The following FAM135A variants were observed in gnomAD, a reference collection of about 807,000 sequenced individuals.
FAM135A encodes the protein family with sequence similarity 135 member A, also known as protein FAM135A.
A neutral mutation model predicts 146.8 loss-of-function variants in FAM135A; 79 were observed. The observed-to-expected ratio is 0.54, with a 90% CI of 0.45 to 0.65. The LOEUF (loss-of-function observed/expected upper bound fraction) is 0.65. FAM135A is among the 30% of genes least tolerant of loss of function. FAM135A has a pLI of 0.00. For synonymous variants in FAM135A, 562 were observed against 603.6 expected (o/e 0.93, Z 1.01); for missense variants, 1,623 against 1,758.2 (o/e 0.92, Z 1.38).
intron 5 of FAM135A, among the ~76,000 whole-genome samples, chr6:70,474,168 A>G (rs1331890493): frequency 6.6e-6 from 1 of 152,140 alleles, no homozygotes; most frequent in Non-Finnish European, 1.5e-5. Flanking sequence ...CCTGCCTTTG[A>G]CTGACATCCA....
intron 2 of FAM135A, among the ~76,000 whole-genome samples, chr6:70,425,222 A>G (rs1390714448): frequency 6.6e-6 from 1 of 152,000 alleles, no homozygotes; most frequent in Non-Finnish European, 1.5e-5. Flanking sequence ...TTCCTAGCCT[A>G]TAGTAGGTGT....
At chr6:70,508,348 A>G (rs1263505227) in intron 12 of FAM135A, among the ~76,000 whole-genome samples, 2 of 152,192 alleles carry the variant, frequency 1.3e-5, no homozygotes, top group South Asian at 4.1e-4. Flanking sequence ...GTCTCTCAAC[A>G]GTATGTCTTA....
chr6:70,425,937 A>G (rs1409486945), intron 2 of FAM135A, among the ~76,000 whole-genome samples: 1 of 151,870 alleles, frequency 6.6e-6, no homozygotes, highest in Non-Finnish European at 1.5e-5. Context: ...CCCTGTTTCT[A>G]CTAAAAATAC....
At chr6:70,535,535 C>CTGTGTGTTCCT (rs1259916549) in intron 18 of FAM135A, among the ~76,000 whole-genome samples, 2 of 152,086 alleles carry the variant, frequency 1.3e-5, no homozygotes, top group Non-Finnish European at 2.9e-5. Context: ...GGGATCTAGG[C>CTGTGTGTTCCT]TGTGTGTTCC....
intron 4 of FAM135A, among the ~76,000 whole-genome samples, chr6:70,432,090 A>G (rs1157866811): frequency 6.6e-6 from 1 of 152,180 alleles, no homozygotes; most frequent in Non-Finnish European, 1.5e-5. Flanking sequence ...GTTGTGTATT[A>G]ACAATCAATG....
intron 10 of FAM135A, among the ~76,000 whole-genome samples, chr6:70,486,785 G>A (rs776137035): frequency 6.6e-6 from 1 of 151,990 alleles, no homozygotes. Flanking sequence ...AAAATTAGCC[G>A]GATGTGGTGG....
At chr6:70,421,516 A>C (rs1378152921) in intron 2 of FAM135A, among the ~76,000 whole-genome samples, 1 of 152,196 alleles carries the variant, frequency 6.6e-6, no homozygotes, top group East Asian at 1.9e-4. Flanking sequence ...GGTAGTTGTC[A>C]GATTGTTTAC....
intron 4 of FAM135A, among the ~76,000 whole-genome samples, chr6:70,447,694 A>G (rs1776090226): frequency 6.6e-6 from 1 of 152,224 alleles, no homozygotes; most frequent in African/African-American, 2.4e-5. Context: ...TCGGGTTCCC[A>G]TCGTGACACT....
chr6:70,508,378 G>T (rs144867116), intron 12 of FAM135A, among the ~76,000 whole-genome samples: 2 of 152,240 alleles, frequency 1.3e-5, no homozygotes, highest in African/African-American at 4.8e-5. Context: ...TGCTTTCATT[G>T]CAGTTTATTT....
chr6:70,533,912 T>A (rs1796298068), intron 18 of FAM135A, 58 bp downstream of exon 18: 1 of 907,840 alleles, frequency 1.1e-6, no homozygotes, highest in Admixed American at 3.6e-5. Context: ...GTATAAAAGT[T>A]AAACAGAATT....
chr6:70,468,478 C>T (rs538155738), intron 5 of FAM135A, among the ~76,000 whole-genome samples: 3 of 152,328 alleles, frequency 2.0e-5, no homozygotes, highest in South Asian at 2.1e-4. Flanking sequence ...CCTGGCCTGC[C>T]TCCATGTCAC....
At chr6:70,531,157 G>A (rs1795728729) in intron 16 of FAM135A, among the ~76,000 whole-genome samples, 1 of 152,148 alleles carries the variant, frequency 6.6e-6, no homozygotes, top group Non-Finnish European at 1.5e-5. Context: ...AAAAGCTTTG[G>A]CTGATTTTCT....
At chr6:70,430,744 T>C (rs928760641) in intron 4 of FAM135A, among the ~76,000 whole-genome samples, 1 of 152,238 alleles carries the variant, frequency 6.6e-6, no homozygotes, top group Admixed American at 6.5e-5. Flanking sequence ...TGAGTTGATC[T>C]TTGTTCAAGG....
At chr6:70,433,411 A>G (rs1404872538) in intron 4 of FAM135A, among the ~76,000 whole-genome samples, 1 of 152,178 alleles carries the variant, frequency 6.6e-6, no homozygotes, top group East Asian at 1.9e-4. Flanking sequence ...GGCACTGTTA[A>G]TAATAGGCCC....
chr6:70,487,875 T>C (rs951962270), intron 10 of FAM135A, among the ~76,000 whole-genome samples: 4 of 152,192 alleles, frequency 2.6e-5, no homozygotes, highest in Admixed American at 2.6e-4. Context: ...GGCCAGATCT[T>C]GGTTGAGTAG....
intron 16 of FAM135A, 143 bp from the exon 17 acceptor site, chr6:70,533,017 G>A: frequency 1.5e-6 from 1 of 652,636 alleles, no homozygotes; most frequent in Non-Finnish European, 2.7e-6. Flanking sequence ...CATAAAAATT[G>A]AGAACTCTAT....
At chr6:70,447,769 T>TC in intron 4 of FAM135A, among the ~76,000 whole-genome samples, 1 of 152,244 alleles carries the variant, frequency 6.6e-6, no homozygotes, top group East Asian at 1.9e-4. Flanking sequence ...TTTTCTTTTT[T>TC]CCCCTATCTG....
At position 70,522,564 on chromosome 6, in the gene FAM135A, G is replaced by A; in HGVS notation, c.1081G>A (p.Ala361Thr). The A allele has an allele frequency of 6.2e-7, 1 of 1,613,610 alleles. No homozygotes were observed. The highest frequency in any genetic ancestry group is 8.5e-7 in the Non-Finnish European group (1 of 1,179,726). ...TTGTTTTGAGCATCCAAGAGAAGCT[G>A]CCATTGCATACCAGGAACTTCAGTG... Reference protein sequence around the residue: ...FFCFEHPREAAIAYQELHAQS... With the variant: ...FFCFEHPREATIAYQELHAQS... Residue 361 changes from alanine (A) to threonine (T), a missense_variant, in exon 13 of 22, where the codon GCC becomes ACC. Physicochemically the swap from Ala to Thr is moderately conservative, Grantham distance 58. Transcript: ENST00000418814.
chr6:70,552,731 G>C, intron 20 of FAM135A, among the ~76,000 whole-genome samples: 1 of 151,994 alleles, frequency 6.6e-6, no homozygotes, highest in Non-Finnish European at 1.5e-5. Context: ...GCCTCCCAAA[G>C]TGCTAGGATT....
Sources: allele counts gnomAD v4.1 joint callset (sites outside exome capture counted in the v4.1 genomes callset), GRCh38; gene constraint gnomAD v4.1.1; transcripts MANE v1.5; gene names NCBI Gene and HGNC (gene_info 2026-07-23, HGNC 2026-07-21).